Variants in DDX18 observed in about 807,000 individuals in gnomAD.
DDX18 encodes the protein DEAD-box helicase 18, also known as ATP-dependent RNA helicase DDX18.
In DDX18, 23 loss-of-function variants were observed where a neutral mutation model predicts 73.5. The observed-to-expected ratio is 0.31, with a 90% CI of 0.23 to 0.44. The LOEUF (loss-of-function observed/expected upper bound fraction) is 0.44, where lower values mean the gene tolerates loss of function less well. DDX18 is among the 20% of genes least tolerant of loss of function. DDX18 has a pLI of 1.00. For synonymous variants in DDX18, 268 were observed against 282.7 expected (o/e 0.95, Z 0.52); for missense variants, 753 against 792.9 (o/e 0.95, Z 0.60).
At chr2:117,822,312 A>G in intron 7 of DDX18, 51 bp downstream of exon 7, 1 of 1,427,850 alleles carries the variant, frequency 7.0e-7, no homozygotes. Flanking sequence ...TTGGAGGTAG[A>G]TAAGAGTTGT....
chr2:117,822,497 T>C, intron 7 of DDX18: 1 of 411,134 alleles, frequency 2.4e-6, no homozygotes, highest in African/African-American at 2.0e-5. Flanking sequence ...ACATAGGTCC[T>C]GTCCTCCACC....
intron 3 of DDX18, among the ~76,000 whole-genome samples, chr2:117,820,053 T>C (rs1679822704): frequency 6.6e-6 from 1 of 152,214 alleles, no homozygotes; most frequent in Non-Finnish European, 1.5e-5. Context: ...GCTTCTAGGA[T>C]TCCTTGGTTT....
chr2:117,825,176 T>G, intron 9 of DDX18, 75 bp downstream of exon 9: 1 of 1,508,634 alleles, frequency 6.6e-7, no homozygotes, highest in African/African-American at 1.4e-5. Context: ...TTGGAGGTAT[T>G]GCCCTCTCCT....
rs1051269469 is a variant in DDX18, at chr2:117,814,703, A to G, written c.-75A>G. 6.8e-7 allele frequency: 1 copy of G among 1,472,186 alleles called. No individual in the cohort carries two copies. The highest frequency in any genetic ancestry group is 9.4e-7 in the Non-Finnish European group (1 of 1,067,050). The allele number at this position is 1,472,186 out of a possible 1,614,324, so 91.2% of individuals were successfully genotyped here. A position where few individuals can be genotyped will look rare whatever the true frequency, so the allele number is the denominator to read the frequency against. On this transcript the variant is annotated 5_prime_UTR_variant, in exon 1 of 14. Coordinates refer to ENST00000263239, the MANE Select transcript of DDX18 (RefSeq NM_006773.4). The stretch of plus-strand genomic sequence containing the variant: ...GGCCGAGCTGCGCACGTGCGGCCGG[A>G]AGGGAAGTAACGTCAGCCTGAGAAC...
intron 2 of DDX18, among the ~76,000 whole-genome samples, chr2:117,818,577 T>C (rs988364792): frequency 6.6e-6 from 1 of 152,264 alleles, no homozygotes; most frequent in Non-Finnish European, 1.5e-5. Flanking sequence ...AATTATTGCC[T>C]TCACAATTCT....
At chr2:117,817,257 C>A (rs1679775278) in intron 1 of DDX18, among the ~76,000 whole-genome samples, 187 bp from the exon 2 acceptor site, 1 of 152,036 alleles carries the variant, frequency 6.6e-6, no homozygotes, top group South Asian at 2.1e-4. Context: ...AGTATTTTTT[C>A]TTTAAGATAA....
At chr2:117,817,939 T>G (rs935382242) in intron 2 of DDX18, among the ~76,000 whole-genome samples, 1 of 152,230 alleles carries the variant, frequency 6.6e-6, no homozygotes, top group Non-Finnish European at 1.5e-5. Flanking sequence ...AATATATTTT[T>G]AATTTCACTA....
At chr2:117,826,521 TTA>T in intron 11 of DDX18, 139 bp downstream of exon 11, 1 of 773,034 alleles carries the variant, frequency 1.3e-6, no homozygotes, top group Admixed American at 2.5e-5. Context: ...AAGTAAGGTT[TTA>T]TGTACTTCTA....
chr2:117,817,407 T>G (rs748082815), intron 1 of DDX18, 37 bp from the exon 2 acceptor site: 2 of 1,526,156 alleles, frequency 1.3e-6, no homozygotes, highest in South Asian at 1.3e-5. Context: ...AAACTTCTCC[T>G]TCTTTGTCAC....
In DDX18 at chr2:117,819,729, G is replaced by A. The variant is rs1305778802; in HGVS notation, c.451G>A (p.Val151Met). The A allele has an allele frequency of 1.2e-6, 2 of 1,610,938 alleles. No individual in the cohort carries two copies. Among genetic ancestry groups the A allele is most frequent in the South Asian group, 1.1e-5 (1 of 90,200 alleles). ...GACTACTAAAGAAACAGAAAATAAT[G>A]TGGAGAAGCCAGATAATGATGAAGA... ...AETTKETENNVEKPDNDEDES... is the reference protein window; with the variant it reads ...AETTKETENNMEKPDNDEDES... The change falls in exon 3 of 14, where the codon GTG (valine) becomes ATG (methionine). Residue 151 changes from valine (V) to methionine (M), a missense_variant. Physicochemically the swap from Val to Met is conservative, Grantham distance 21 (BLOSUM62 1). This residue lies in a region of DDX18 where 345 missense variants were observed against 352.0 expected (regional missense o/e 0.98). Transcript: ENST00000263239.
At position 117,824,583 on chromosome 2, in the gene DDX18, A is replaced by G. The variant is rs371718891; in HGVS notation, c.1081A>G (p.Met361Val). 1.8e-5 allele frequency: 26 copies of G among 1,469,850 alleles called. No individual in the cohort carries two copies. Among genetic ancestry groups the G allele is most frequent in the South Asian group, 1.1e-4 (7 of 65,352 alleles). The allele number at this position is 1,469,850 out of a possible 1,614,324, so 91.1% of individuals were successfully genotyped here. A position where few individuals can be genotyped will look rare whatever the true frequency, so the allele number is the denominator to read the frequency against. ...IKLLPTRRQTMLFSATQTRKV... is the reference protein window; with the variant it reads ...IKLLPTRRQTVLFSATQTRKV... ...ATCTGTTTCAGCACGTAGACAGACT[A>G]TGCTCTTTTCTGCCACCCAAACTCG... Residue 361 changes from methionine (M) to valine (V), a missense_variant, in exon 8 of 14, where the codon ATG becomes GTG. Met to Val is a conservative substitution (Grantham distance 21). Transcript: ENST00000263239.
chr2:117,817,027 G>T (rs533520275), intron 1 of DDX18, among the ~76,000 whole-genome samples: 10 of 152,312 alleles, frequency 6.6e-5, no homozygotes, highest in Admixed American at 4.6e-4. Flanking sequence ...TTTTGAAGTG[G>T]TATGAAAAAT....
At chr2:117,823,333 C>CT (rs1179745745) in intron 7 of DDX18, among the ~76,000 whole-genome samples, 1 of 152,108 alleles carries the variant, frequency 6.6e-6, no homozygotes. Context: ...GATATTTTCT[C>CT]TATCATATTT....
At chr2:117,818,453 A>G (rs1349215719) in intron 2 of DDX18, among the ~76,000 whole-genome samples, 2 of 152,212 alleles carry the variant, frequency 1.3e-5, no homozygotes, top group African/African-American at 2.4e-5. Context: ...CATCCTATTC[A>G]TGTATTTTAC....
In DDX18 at chr2:117,821,022, T is replaced by C. The variant is rs1436864326; in HGVS notation, c.515-139T>C. The C allele has an allele frequency of 6.5e-6, 5 of 768,936 alleles. No individual in the cohort carries two copies. The African/African-American group carries it at 9.0e-5, about 14-fold the overall frequency. The allele number at this position is 768,936 out of a possible 1,614,324, so 47.6% of individuals were successfully genotyped here. A position where few individuals can be genotyped will look rare whatever the true frequency, so the allele number is the denominator to read the frequency against. On this transcript the variant is annotated intron_variant, in intron 3 of 13. Transcript: ENST00000263239. ...AAGATATAGGGTCTTTTTCTTGATA[T>C]TATCACATATGAATAATTAAGGTTT...
chr2:117,817,391 C>G, intron 1 of DDX18, 53 bp from the exon 2 acceptor site: 1 of 1,487,588 alleles, frequency 6.7e-7, no homozygotes, highest in Non-Finnish European at 9.0e-7. Flanking sequence ...TTCAGTGTTT[C>G]TAAGTAAACT....
chr2:117,824,480 G>C (rs1679892379), intron 7 of DDX18, 89 bp from the exon 8 acceptor site: 1 of 1,185,412 alleles, frequency 8.4e-7, no homozygotes, highest in Non-Finnish European at 1.1e-6. Flanking sequence ...TCCCATTTCT[G>C]ATATCTCTAC....
In DDX18 at chr2:117,830,824, C is replaced by A. The variant is rs1573415141; in HGVS notation, c.*100C>A. The A allele has an allele frequency of 3.5e-6, 5 of 1,427,594 alleles. No homozygotes were observed. The highest frequency in any genetic ancestry group is 2.3e-5 in the East Asian group (1 of 43,578). The allele number at this position is 1,427,594 out of a possible 1,614,324, so 88.4% of individuals were successfully genotyped here. ...TTGTAGACTTTAGAATTTGGACTTA[C>A]CTAACAAGAGTATAAATTGACTTGG... On this transcript the variant is annotated 3_prime_UTR_variant, in exon 14 of 14. Coordinates refer to ENST00000263239, the MANE Select transcript of DDX18 (RefSeq NM_006773.4).
rs1192140024 is a variant in DDX18, at chr2:117,830,456, C to T, written c.1871-126C>T. 3.4e-6 allele frequency: 4 copies of T among 1,185,510 alleles called. No individual in the cohort carries two copies. The African/African-American group carries it at 6.3e-5, about 19-fold the overall frequency. The allele number at this position is 1,185,510 out of a possible 1,614,324, so 73.4% of individuals were successfully genotyped here. A position where few individuals can be genotyped will look rare whatever the true frequency, so the allele number is the denominator to read the frequency against. Reference sequence around the variant, plus strand: ...TTTATTGCATAGGCTTATGTTCCCACATTTTCATTGTTGAGAATGGGGTTG... The same window carrying T: ...TTTATTGCATAGGCTTATGTTCCCATATTTTCATTGTTGAGAATGGGGTTG... On this transcript the variant is annotated intron_variant, in intron 13 of 13. Transcript: ENST00000263239.
Sources: gnomAD v4.1 joint callset for allele counts (sites outside exome capture counted in the v4.1 genomes callset) on GRCh38, gnomAD v4.1.1 for gene constraint, gnomAD v4.1.1 regional missense constraint, MANE v1.5 for transcripts, NCBI Gene and HGNC (gene_info 2026-07-23, HGNC 2026-07-21) for gene names.